ASXL2: variants seen among roughly 807,000 people sequenced by gnomAD.
The protein encoded by ASXL2 is putative Polycomb group protein ASXL2.
A neutral mutation model predicts 122.0 loss-of-function variants in ASXL2; 23 were observed. The observed-to-expected ratio is 0.19, with a 90% CI of 0.14 to 0.27. ASXL2 has a LOEUF of 0.27. Among genes scored for constraint, ASXL2 ranks in the 10% least tolerant of loss-of-function variants. ASXL2 has a pLI of 1.00. For missense variants in ASXL2, 1,518 were observed against 1,713.8 expected (o/e 0.89, Z 2.02); for synonymous variants, 650 against 637.0 (o/e 1.02, Z -0.31).
chr2:25,845,547 G>A lies in ASXL2; in HGVS notation c.74C>T (p.Pro25Leu). Residue 25 changes from proline (P) to leucine (L), a missense_variant, in exon 2 of 13, where the codon CCC (proline) becomes CTC (leucine). Coordinates refer to ENST00000435504, the MANE Select transcript of ASXL2 (RefSeq NM_018263.6). ...TTCTTTATGACTCATGGGTGTATTG[G>A]GGTATTTTTCTAAGACCTGAAAAAC... The part of the protein sequence containing the change: ...EAAKTVLEKY[P>L]NTPMSHKEIL... 1 of 1,436,336 alleles carries A rather than the reference G, an allele frequency of 7.0e-7. No individual in the cohort carries two copies. The highest frequency in any genetic ancestry group is 9.2e-7 in the Non-Finnish European group (1 of 1,085,200). 89.0% of individuals were successfully genotyped at this position (1,436,336 alleles called of 1,614,324 possible). A position where few individuals can be genotyped will look rare whatever the true frequency, so the allele number is the denominator to read the frequency against.
At chr2:25,833,044 G>T (rs948841709) in intron 3 of ASXL2, among the ~76,000 whole-genome samples, 1 of 152,194 alleles carries the variant, frequency 6.6e-6, no homozygotes, top group South Asian at 2.1e-4. Context: ...TACTAGGGAA[G>T]TACATGTGGT....
intron 8 of ASXL2, among the ~76,000 whole-genome samples, chr2:25,763,260 G>A (rs1436243019): frequency 1.3e-5 from 2 of 152,094 alleles, no homozygotes; most frequent in African/African-American, 4.8e-5. Context: ...GGAGGCTGAG[G>A]CGGGCGGTAT....
intron 10 of ASXL2, among the ~76,000 whole-genome samples, chr2:25,754,706 T>C (rs1287490591): frequency 1.3e-5 from 2 of 151,840 alleles, no homozygotes; most frequent in South Asian, 2.1e-4. Context: ...CTGATAATAA[T>C]AATCGCAGTA....
intron 1 of ASXL2, among the ~76,000 whole-genome samples, chr2:25,853,734 C>A (rs2149197011): frequency 6.6e-6 from 1 of 151,988 alleles, no homozygotes; most frequent in Non-Finnish European, 1.5e-5. Context: ...GCCTCGAACT[C>A]CTGGGCTCAA....
At chr2:25,775,865 T>C (rs1387909184) in intron 5 of ASXL2, among the ~76,000 whole-genome samples, 2 of 152,230 alleles carry the variant, frequency 1.3e-5, no homozygotes, top group Non-Finnish European at 2.9e-5. Flanking sequence ...CCCCACTATA[T>C]TAAATATCTT....
At position 25,739,009 on chromosome 2, in the gene ASXL2, T is replaced by C. The variant is rs2087782728; in HGVS notation, c.*3020A>G. 6.6e-6 allele frequency: 1 copy of C among 152,242 alleles called. No homozygotes were observed. The highest frequency in any genetic ancestry group is 6.5e-5 in the Admixed American group (1 of 15,280). The allele number at this position is 152,242 out of a possible 1,614,324, so 9.4% of individuals were successfully genotyped here. On this transcript the variant is annotated 3_prime_UTR_variant, in exon 13 of 13. Coordinates refer to ENST00000435504, the MANE Select transcript of ASXL2 (RefSeq NM_018263.6). ...GATGGAGAATTCTAATTCTCCAAAA[T>C]TATTTAAGATTCAGGGAGACTTATT... is the stretch of plus-strand genomic sequence containing the variant.
At chr2:25,869,620 G>A (rs1052009728) in intron 1 of ASXL2, among the ~76,000 whole-genome samples, 5 of 151,800 alleles carry the variant, frequency 3.3e-5, no homozygotes, top group South Asian at 2.1e-4. Context: ...TCAGGAGTTC[G>A]AGACCAGCCT....
chr2:25,858,035 T>C (rs1389396650), intron 1 of ASXL2, among the ~76,000 whole-genome samples: 1 of 152,150 alleles, frequency 6.6e-6, no homozygotes. Flanking sequence ...CCACAGATCC[T>C]AGAGCAGTGC....
intron 9 of ASXL2, among the ~76,000 whole-genome samples, chr2:25,757,647 C>T (rs547535619): frequency 9.1e-4 from 104 of 113,986 alleles, no homozygotes; most frequent in African/African-American, 3.6e-3. Context: ...TGCACTCCAG[C>T]TCAGGCGACA....
At chr2:25,758,745 T>C (rs1187425149) in intron 9 of ASXL2, among the ~76,000 whole-genome samples, 1 of 151,628 alleles carries the variant, frequency 6.6e-6, no homozygotes, top group East Asian at 1.9e-4. Context: ...AAGTAATAAA[T>C]GTTTCTCTTA....
chr2:25,758,419 A>G (rs13010947), intron 9 of ASXL2, among the ~76,000 whole-genome samples: 5,981 of 152,268 alleles, frequency 0.039, 155 homozygotes, highest in Middle Eastern at 0.088. Context: ...GGGGAGACCT[A>G]TCACATTACT....
intron 1 of ASXL2, 79 bp from the exon 2 acceptor site, chr2:25,845,642 T>C: frequency 1.7e-6 from 1 of 595,874 alleles, no homozygotes; most frequent in East Asian, 4.4e-5. Context: ...TATAATTACG[T>C]CTTAAAAGCT....
chr2:25,753,428 G>A, intron 11 of ASXL2, 106 bp downstream of exon 11: 4 of 720,338 alleles, frequency 5.6e-6, no homozygotes, highest in Non-Finnish European at 4.3e-6. Flanking sequence ...AAACAAAACA[G>A]AAGGAAACTG....
At chr2:25,805,928 C>T (rs373033276) in intron 4 of ASXL2, among the ~76,000 whole-genome samples, 12 of 152,176 alleles carry the variant, frequency 7.9e-5, no homozygotes, top group Admixed American at 2.6e-4. Context: ...TTGCCCACCT[C>T]GGCCTCCTAA....
rs1429002649 is a variant in ASXL2 at position 25,739,194 on chromosome 2, C to G, written c.*2835G>C. ...CCTGACTAGTCACTGGAAATAATGC[C>G]AGGTCATACCCTAAGAATAAGCTCA... On this transcript the variant is annotated 3_prime_UTR_variant, in exon 13 of 13. Coordinates refer to ENST00000435504, the MANE Select transcript of ASXL2 (RefSeq NM_018263.6). 6.5e-6 allele frequency: 1 copy of G among 153,646 alleles called. No homozygotes were observed. Among genetic ancestry groups the G allele is most frequent in the Non-Finnish European group, 1.5e-5 (1 of 68,882 alleles). The allele number at this position is 153,646 out of a possible 1,614,324, so 9.5% of individuals were successfully genotyped here.
chr2:25,746,888 CTTTTT>C (rs2087952280), intron 12 of ASXL2, among the ~76,000 whole-genome samples: 2 of 152,072 alleles, frequency 1.3e-5, no homozygotes, highest in African/African-American at 2.4e-5. Flanking sequence ...CAATCCTTTT[CTTTTT>C]AAGTGTACAG....
At chr2:25,867,011 C>T (rs1380455501) in intron 1 of ASXL2, among the ~76,000 whole-genome samples, 1 of 152,168 alleles carries the variant, frequency 6.6e-6, no homozygotes, top group African/African-American at 2.4e-5. Flanking sequence ...AGCGATTCTC[C>T]TGCCTCAGCC....
intron 4 of ASXL2, 50 bp from the exon 5 acceptor site, chr2:25,799,585 C>T (rs757227796): frequency 1.9e-6 from 3 of 1,539,384 alleles, no homozygotes; most frequent in Non-Finnish European, 2.6e-6. Context: ...TTTAAGCAAA[C>T]AGAAATTAAA....
chr2:25,854,964 T>C (rs553918747), intron 1 of ASXL2, among the ~76,000 whole-genome samples: 5 of 152,216 alleles, frequency 3.3e-5, no homozygotes, highest in East Asian at 3.9e-4. Flanking sequence ...CACATCCAAA[T>C]AGAAACTTTC....
Sources: gnomAD v4.1 joint callset for allele counts (sites outside exome capture counted in the v4.1 genomes callset) on GRCh38, gnomAD v4.1.1 for gene constraint, MANE v1.5 for transcripts, NCBI Gene and HGNC (gene_info 2026-07-23, HGNC 2026-07-21) for gene names.